PRTFDC1: variants seen among roughly 807,000 people sequenced by gnomAD.
PRTFDC1 encodes the protein phosphoribosyltransferase domain-containing protein 1.
A neutral mutation model predicts 34.6 loss-of-function variants in PRTFDC1; 38 were observed. That is an observed-to-expected ratio of 1.10 (90% confidence interval 0.85 to 1.44). PRTFDC1 has a LOEUF of 1.44. Ranked by LOEUF, PRTFDC1 falls within the 40% of genes most tolerant of loss-of-function variation. PRTFDC1 has a pLI of 0.00. For missense variants in PRTFDC1, 270 were observed against 283.0 expected (o/e 0.95, Z 0.33); for synonymous variants, 93 against 98.1 (o/e 0.95, Z 0.31).
intron 4 of PRTFDC1, among the ~76,000 whole-genome samples, chr10:24,858,672 A>AAAGTCATCCCATTT (rs1565256956): frequency 6.6e-6 from 1 of 152,154 alleles, no homozygotes; most frequent in Non-Finnish European, 1.5e-5. Context: ...AGCTCTCCAT[A>AAAGTCATCCCATTT]AAGTCATCCC....
chr10:24,906,335 A>G (rs769934742), intron 3 of PRTFDC1, among the ~76,000 whole-genome samples: 1 of 152,152 alleles, frequency 6.6e-6, no homozygotes, highest in Admixed American at 6.5e-5. Flanking sequence ...TTCTGATCAC[A>G]CTGCAAGCGC....
At chr10:24,951,512 T>C in intron 1 of PRTFDC1, 1 of 965,130 alleles carries the variant, frequency 1.0e-6, no homozygotes, top group Non-Finnish European at 1.2e-6. Context: ...CTGACCCTTC[T>C]GTCTGAATGT....
chr10:24,872,806 A>ATATATATATATATAT (rs1235935301), intron 3 of PRTFDC1, among the ~76,000 whole-genome samples: 1 of 117,606 alleles, frequency 8.5e-6, no homozygotes, highest in African/African-American at 3.6e-5. Context: ...ATATATATAT[A>ATATATATATATATAT]TTTTTTTTTT....
At position 24,864,618 on chromosome 10, in the gene PRTFDC1, T is replaced by C. The variant is rs191195689; in HGVS notation, c.406-6209A>G. ...TCATTAAGTTATGTGCCTTATTTTT[T>C]AGACATAATGTTATCACACACTTAG... is the stretch of plus-strand genomic sequence containing the variant. On this transcript the variant is annotated intron_variant, in intron 4 of 8. Transcript: ENST00000320152. 1.1e-4 allele frequency among the ~76,000 whole-genome samples: 17 copies of C among 152,352 alleles called. No homozygotes were observed. In the East Asian group the frequency reaches 2.9e-3, roughly 26 times the overall value.
At chr10:24,882,413 C>T (rs935413115) in intron 3 of PRTFDC1, among the ~76,000 whole-genome samples, 1 of 151,974 alleles carries the variant, frequency 6.6e-6, no homozygotes, top group African/African-American at 2.4e-5. Flanking sequence ...GCACAGCAGC[C>T]GACTTTCATC....
intron 3 of PRTFDC1, among the ~76,000 whole-genome samples, chr10:24,889,244 T>C (rs994083033): frequency 6.6e-6 from 1 of 152,124 alleles, no homozygotes; most frequent in Non-Finnish European, 1.5e-5. Flanking sequence ...ACCTCGTCTA[T>C]GGCCATACCA....
At chr10:24,899,737 A>C (rs1040123458) in intron 3 of PRTFDC1, among the ~76,000 whole-genome samples, 9 of 152,238 alleles carry the variant, frequency 5.9e-5, no homozygotes, top group African/African-American at 2.2e-4. Flanking sequence ...AGTTTTCAAG[A>C]TAATAGAGAC....
intron 3 of PRTFDC1, among the ~76,000 whole-genome samples, chr10:24,929,861 A>T (rs1461875294): frequency 6.6e-6 from 1 of 152,190 alleles, no homozygotes; most frequent in Non-Finnish European, 1.5e-5. Context: ...AGTCCCTTAG[A>T]ATAGATATCC....
intron 3 of PRTFDC1, among the ~76,000 whole-genome samples, chr10:24,911,498 C>T (rs1377596709): frequency 6.6e-6 from 1 of 152,198 alleles, no homozygotes; most frequent in Non-Finnish European, 1.5e-5. Context: ...AGTTTGTGGA[C>T]ATTTGAATTG....
chr10:24,884,237 T>G (rs1409684735), intron 3 of PRTFDC1, among the ~76,000 whole-genome samples: 2 of 152,160 alleles, frequency 1.3e-5, no homozygotes, highest in African/African-American at 4.8e-5. Context: ...AACAACATCT[T>G]AAACCAGCTC....
chr10:24,951,527 C>G (rs551705168), intron 1 of PRTFDC1: 6 of 981,634 alleles, frequency 6.1e-6, no homozygotes, highest in East Asian at 1.1e-4. Context: ...GAATGTGACA[C>G]GTTTCCCTCC....
intron 1 of PRTFDC1, chr10:24,951,404 G>T: frequency 2.8e-6 from 1 of 357,026 alleles, no homozygotes; most frequent in Non-Finnish European, 3.9e-6. Flanking sequence ...CTACAACCCA[G>T]CAGGACAATA....
intron 4 of PRTFDC1, among the ~76,000 whole-genome samples, chr10:24,864,919 C>T (rs1419469194): frequency 6.6e-6 from 1 of 152,092 alleles, no homozygotes; most frequent in Non-Finnish European, 1.5e-5. Context: ...AGTTTGAGAA[C>T]ATCCTAGCCA....
chr10:24,881,004 CCTTTCTCTCTTT>C (rs1382530541), intron 3 of PRTFDC1, among the ~76,000 whole-genome samples: 1 of 136,414 alleles, frequency 7.3e-6, no homozygotes, highest in Non-Finnish European at 1.6e-5. Context: ...CTCCTTCCTT[CCTTTCTCTCTTT>C]CTTTCTCTCT....
chr10:24,895,842 AATAAT>A (rs997829875), intron 3 of PRTFDC1, among the ~76,000 whole-genome samples: 10 of 151,816 alleles, frequency 6.6e-5, no homozygotes, highest in African/African-American at 2.4e-4. Flanking sequence ...CCATTACAAC[AATAAT>A]ATGAGTACAG....
At chr10:24,867,669 A>C (rs1847802595) in intron 4 of PRTFDC1, 1 of 151,520 alleles carries the variant, frequency 6.6e-6, no homozygotes, top group Non-Finnish European at 1.5e-5. Context: ...ATTTTTATTA[A>C]GTTTTATTCT....
intron 3 of PRTFDC1, among the ~76,000 whole-genome samples, chr10:24,882,040 C>G (rs1344976279): frequency 6.6e-6 from 1 of 151,752 alleles, no homozygotes; most frequent in Non-Finnish European, 1.5e-5. Context: ...AACCCTGTCT[C>G]TACTAAAAAT....
intron 1 of PRTFDC1, among the ~76,000 whole-genome samples, chr10:24,947,585 T>C (rs1849269530): frequency 6.6e-6 from 1 of 152,192 alleles, no homozygotes; most frequent in Admixed American, 6.5e-5. Context: ...GATTCTCTTT[T>C]TCGCACTGAA....
intron 3 of PRTFDC1, among the ~76,000 whole-genome samples, chr10:24,934,257 A>G (rs960256097): frequency 6.7e-6 from 1 of 149,076 alleles, no homozygotes; most frequent in African/African-American, 2.6e-5. Flanking sequence ...GGAGAAGAAG[A>G]AGAAGAAGAA....
Sources: allele counts gnomAD v4.1 joint callset (sites outside exome capture counted in the v4.1 genomes callset), GRCh38; gene constraint gnomAD v4.1.1; transcripts MANE v1.5; gene names NCBI Gene and HGNC (gene_info 2026-07-23, HGNC 2026-07-21).